AUTS2: variants seen among roughly 807,000 people sequenced by gnomAD.
AUTS2 encodes the protein autism susceptibility gene 2 protein.
A neutral mutation model predicts 112.4 loss-of-function variants in AUTS2; 17 were observed. The ratio of observed to expected loss-of-function variants is 0.15; its 90% confidence interval spans 0.10 to 0.23. AUTS2 has a LOEUF of 0.23. AUTS2 is among the 10% of genes least tolerant of loss of function. The pLI is 1.00. For synonymous variants in AUTS2, 751 were observed against 702.7 expected (o/e 1.07, Z -1.09); for missense variants, 1,510 against 1,701.6 (o/e 0.89, Z 1.98).
At chr7:69,729,913 C>T (rs1469563827) in intron 1 of AUTS2, among the ~76,000 whole-genome samples, 2 of 148,640 alleles carry the variant, frequency 1.3e-5, no homozygotes, top group African/African-American at 2.5e-5. Flanking sequence ...ATTTGAGCCA[C>T]ATTTATGTTT....
intron 4 of AUTS2, among the ~76,000 whole-genome samples, chr7:70,266,941 G>A (rs1261072108): frequency 1.3e-5 from 2 of 152,238 alleles, no homozygotes; most frequent in African/African-American, 4.8e-5. Flanking sequence ...GCCAGTTGCA[G>A]ATTGCCTCCT....
At chr7:69,714,080 A>T (rs1236419824) in intron 1 of AUTS2, among the ~76,000 whole-genome samples, 44 of 148,792 alleles carry the variant, frequency 3.0e-4, no homozygotes, top group Admixed American at 8.0e-4. Context: ...TTTTTTTGAG[A>T]TGGGGTTTTG....
chr7:69,656,915 G>A (rs968213803), intron 1 of AUTS2, among the ~76,000 whole-genome samples: 17 of 152,146 alleles, frequency 1.1e-4, no homozygotes, highest in African/African-American at 3.9e-4. Context: ...GGCTCACACT[G>A]GTGTTCACCT....
intron 17 of AUTS2, chr7:70,786,850 G>A (rs1791529402): frequency 5.5e-6 from 2 of 360,468 alleles, no homozygotes; most frequent in South Asian, 2.3e-5. Context: ...ATTTAGAATT[G>A]TTAATCCAAA....
rs140659853 is a variant in AUTS2 at position 70,671,063 on chromosome 7, T to C, written c.691-27506T>C. Among the ~76,000 whole-genome samples the C allele has an allele frequency of 8.3e-3, 1,260 of 152,232 alleles. 47 individuals are homozygous for C. The highest frequency in any genetic ancestry group is 0.06 in the East Asian group (308 of 5,174). On this transcript the variant is annotated intron_variant, in intron 5 of 18. Coordinates refer to ENST00000342771, the MANE Select transcript of AUTS2 (RefSeq NM_015570.4). ...GGCGCACGCCTGTGATCCCAGCTAC[T>C]CGGGAGGCTGAGGCAGGATAATTGC...
chr7:70,581,048 T>C (rs1361313676), intron 5 of AUTS2, among the ~76,000 whole-genome samples: 1 of 152,148 alleles, frequency 6.6e-6, no homozygotes, highest in Middle Eastern at 3.2e-3. Context: ...AGTTTGAAGC[T>C]AGCCTGGACA....
chr7:70,545,705 G>A (rs1457192192), intron 5 of AUTS2, among the ~76,000 whole-genome samples: 7 of 152,112 alleles, frequency 4.6e-5, no homozygotes, highest in Admixed American at 4.6e-4. Context: ...CTCTCTTTTG[G>A]CTAGACGATC....
intron 1 of AUTS2, among the ~76,000 whole-genome samples, chr7:69,857,882 C>A (rs1422070038): frequency 7.2e-5 from 11 of 151,994 alleles, no homozygotes; most frequent in Admixed American, 7.2e-4. Context: ...GGATTTTTCT[C>A]ATTGGCTCTG....
chr7:70,125,245 ATGTGTGTGTGTGTGTGTGTG>A (rs59747508), intron 3 of AUTS2, among the ~76,000 whole-genome samples: 5 of 144,792 alleles, frequency 3.5e-5, no homozygotes, highest in African/African-American at 1.0e-4. Context: ...TTATTTGGAG[ATGTGTGTGTGTGTGTGTGTG>A]TGTGTGTGTG....
intron 1 of AUTS2, among the ~76,000 whole-genome samples, chr7:69,856,620 G>C (rs768634482): frequency 1.3e-5 from 2 of 152,180 alleles, no homozygotes; most frequent in Non-Finnish European, 2.9e-5. Context: ...TAGTTGCATA[G>C]TCTTGGACAA....
At chr7:69,762,145 C>CA (rs1788211841) in intron 1 of AUTS2, among the ~76,000 whole-genome samples, 1 of 152,096 alleles carries the variant, frequency 6.6e-6, no homozygotes, top group Admixed American at 6.5e-5. Flanking sequence ...GACTGGGATT[C>CA]AAGTTGTAGT....
intron 2 of AUTS2, among the ~76,000 whole-genome samples, chr7:69,962,714 A>ATGTGTG (rs528545629): frequency 6.7e-6 from 1 of 150,082 alleles, no homozygotes; most frequent in Non-Finnish European, 1.5e-5. Flanking sequence ...ATGTATGTGT[A>ATGTGTG]TGTGTGTGTG....
chr7:70,659,228 G>T (rs1806938315), intron 5 of AUTS2, among the ~76,000 whole-genome samples: 1 of 152,208 alleles, frequency 6.6e-6, no homozygotes, highest in South Asian at 2.1e-4. Context: ...CGCGGCCCTT[G>T]CAGGATATCA....
At chr7:70,459,952 C>T (rs1315324021) in intron 5 of AUTS2, among the ~76,000 whole-genome samples, 1 of 152,196 alleles carries the variant, frequency 6.6e-6, no homozygotes, top group Non-Finnish European at 1.5e-5. Context: ...AGGAACATAA[C>T]AATTCTACAG....
At chr7:70,231,339 C>T (rs146494300) in intron 4 of AUTS2, among the ~76,000 whole-genome samples, 117 of 152,304 alleles carry the variant, frequency 7.7e-4, no homozygotes, top group African/African-American at 2.7e-3. Context: ...GTCCAGCACC[C>T]GTTAATCTTT....
chr7:70,192,339 ATTT>A (rs1809946282), intron 4 of AUTS2, among the ~76,000 whole-genome samples: 1 of 152,176 alleles, frequency 6.6e-6, no homozygotes, highest in Admixed American at 6.5e-5. Flanking sequence ...AAATTCATGA[ATTT>A]AGTGTGGGCC....
At chr7:70,730,679 AT>A (rs112099139) in intron 6 of AUTS2, among the ~76,000 whole-genome samples, 34,824 of 151,980 alleles carry the variant, frequency 0.23, 4,851 homozygotes, top group East Asian at 0.58. Context: ...AGTTGCTTCT[AT>A]TTTTTTGGCT....
At chr7:69,944,273 A>T (rs1796728145) in intron 2 of AUTS2, among the ~76,000 whole-genome samples, 1 of 152,094 alleles carries the variant, frequency 6.6e-6, no homozygotes, top group Admixed American at 6.5e-5. Context: ...TATTCCTAAT[A>T]AAATGGTTTT....
At chr7:69,725,389 A>G (rs1444215410) in intron 1 of AUTS2, among the ~76,000 whole-genome samples, 1 of 152,172 alleles carries the variant, frequency 6.6e-6, no homozygotes, top group Non-Finnish European at 1.5e-5. Context: ...CACATAGTCT[A>G]TATGTGTTAG....
Sources: gnomAD v4.1 joint callset for allele counts (sites outside exome capture counted in the v4.1 genomes callset) on GRCh38, gnomAD v4.1.1 for gene constraint, MANE v1.5 for transcripts, NCBI Gene and HGNC (gene_info 2026-07-23, HGNC 2026-07-21) for gene names.